Variants in SHANK2 observed in about 807,000 individuals in gnomAD.
SHANK2 encodes the protein SH3 and multiple ankyrin repeat domains protein 2.
SHANK2 carries 43 observed loss-of-function variants against 133.7 expected under a neutral mutation model. The observed-to-expected ratio is 0.32, with a 90% confidence interval of 0.25 to 0.41. The LOEUF (loss-of-function observed/expected upper bound fraction) is 0.41, where lower values mean the gene tolerates loss of function less well. Ranked by LOEUF, SHANK2 falls within the 10% of genes least tolerant of loss-of-function variation. The pLI, the probability that SHANK2 is intolerant of heterozygous loss-of-function variation, is 1.00. For missense variants in SHANK2, 1,994 were observed against 2,235.8 expected, an observed-to-expected ratio of 0.89 and a Z score of 2.18; for synonymous variants, 1,017 against 952.8, an observed-to-expected ratio of 1.07 and a Z score of -1.24.
intron 21 of SHANK2, among the ~76,000 whole-genome samples, chr11:70,499,629 C>T (rs527322221): frequency 1.2e-4 from 18 of 152,334 alleles, no homozygotes; most frequent in Non-Finnish European, 2.4e-4. Context: ...CACACACAAA[C>T]GTAATTGCAC....
intron 25 of SHANK2, among the ~76,000 whole-genome samples, chr11:70,478,841 G>A (rs557121964): frequency 4.6e-5 from 7 of 152,336 alleles, no homozygotes; most frequent in Admixed American, 1.3e-4. Context: ...TGACTTGACC[G>A]AGTTACAGAG....
chr11:70,806,172 A>G (rs1356927682), intron 13 of SHANK2, among the ~76,000 whole-genome samples: 2 of 152,196 alleles, frequency 1.3e-5, no homozygotes, highest in Admixed American at 6.5e-5. Flanking sequence ...TGCCACTCCA[A>G]TGGCAACCTG....
chr11:70,807,239 A>T lies in SHANK2; in HGVS notation c.1494-68T>A, dbSNP rs1329000677. The T allele has an allele frequency of 1.4e-5, 10 of 689,708 alleles. No homozygotes were observed. Among genetic ancestry groups the T allele is most frequent in the Non-Finnish European group, 2.6e-5 (10 of 378,806 alleles). The allele number at this position is 689,708 out of a possible 1,614,324, so 42.7% of individuals were successfully genotyped here. Reference sequence around the variant, plus strand: ...CAAGGTCACAAGCCACATGCCACAAACCACAGCCAAGCCATTCAACGCATG... The same window carrying T: ...CAAGGTCACAAGCCACATGCCACAATCCACAGCCAAGCCATTCAACGCATG... On this transcript the variant is annotated intron_variant, in intron 12 of 25. Coordinates refer to ENST00000601538, the MANE Select transcript of SHANK2 (RefSeq NM_012309.5). The surrounding 1 kb of genome is among the most constrained non-coding windows in gnomAD (Gnocchi z 4.8).
intron 17 of SHANK2, among the ~76,000 whole-genome samples, chr11:70,543,441 C>T (rs976076444): frequency 3.9e-5 from 6 of 152,154 alleles, no homozygotes; most frequent in Non-Finnish European, 7.3e-5. Flanking sequence ...AAGGTTGAGT[C>T]GATCACCAAT....
intron 13 of SHANK2, among the ~76,000 whole-genome samples, chr11:70,803,353 CCTATCCAT>C (rs1565327076): frequency 3.1e-5 from 4 of 128,912 alleles, no homozygotes; most frequent in Non-Finnish European, 6.5e-5. Context: ...CATCCATTTA[CCTATCCAT>C]CCATCCATCC....
chr11:70,676,247 C>T (rs1944903691), intron 15 of SHANK2, among the ~76,000 whole-genome samples: 1 of 152,236 alleles, frequency 6.6e-6, no homozygotes, highest in Non-Finnish European at 1.5e-5. Flanking sequence ...ACTGGAAAAG[C>T]CAGACACTTG....
chr11:70,495,815 C>T (rs1427455498), intron 21 of SHANK2: 6 of 194,796 alleles, frequency 3.1e-5, no homozygotes, highest in South Asian at 1.9e-4. Context: ...TTCCAGGTGG[C>T]GAGCTCTGGG....
At chr11:71,100,821 C>G (rs1951705090) in intron 6 of SHANK2, among the ~76,000 whole-genome samples, 1 of 148,778 alleles carries the variant, frequency 6.7e-6, no homozygotes, top group Non-Finnish European at 1.5e-5. Context: ...GAGCTGAGAT[C>G]ACACCACTGC....
At chr11:70,671,668 CA>C (rs1944811128) in intron 15 of SHANK2, among the ~76,000 whole-genome samples, 1 of 152,232 alleles carries the variant, frequency 6.6e-6, no homozygotes, top group Non-Finnish European at 1.5e-5. Flanking sequence ...GAGCAAGACA[CA>C]CGGGTGTGTT....
intron 17 of SHANK2, among the ~76,000 whole-genome samples, chr11:70,657,574 C>T (rs200789417): frequency 1.4e-4 from 21 of 152,284 alleles, no homozygotes; most frequent in Middle Eastern, 3.4e-3. Flanking sequence ...GCCTGCACCC[C>T]GCACCCTCAT....
At position 70,569,084 on chromosome 11, in the gene SHANK2, G is replaced by C. The variant is rs942966919; in HGVS notation, c.2062-66153C>G. ...TCCTGCCGCTGGACTTACAGTGAACGGAGCCAGGAAAGCGAATCTGCCTTG... is the reference window on the plus strand; with the variant it reads ...TCCTGCCGCTGGACTTACAGTGAACCGAGCCAGGAAAGCGAATCTGCCTTG... On this transcript the variant is annotated intron_variant, in intron 17 of 25. Transcript: ENST00000601538. This position sits in a 1 kb window ranked among gnomAD's most constrained non-coding sequence, Gnocchi z 5.1. 6.6e-6 allele frequency among the ~76,000 whole-genome samples: 1 copy of C among 152,208 alleles called. No homozygotes were observed. Among genetic ancestry groups the C allele is most frequent in the Non-Finnish European group, 1.5e-5 (1 of 68,040 alleles).
chr11:70,583,839 C>T (rs536164078), intron 17 of SHANK2, among the ~76,000 whole-genome samples: 9 of 152,304 alleles, frequency 5.9e-5, no homozygotes, highest in South Asian at 2.1e-4. Flanking sequence ...GCGGGCTGCC[C>T]GCTCCTCACA....
At chr11:70,763,530 G>A (rs1413804052) in intron 14 of SHANK2, among the ~76,000 whole-genome samples, 1 of 152,100 alleles carries the variant, frequency 6.6e-6, no homozygotes, top group Non-Finnish European at 1.5e-5. Context: ...GGACCAGGCT[G>A]GGCTCGCAGT....
chr11:70,784,030 G>A (rs1555045838), intron 14 of SHANK2, among the ~76,000 whole-genome samples: 1 of 152,198 alleles, frequency 6.6e-6, no homozygotes, highest in African/African-American at 2.4e-5. Flanking sequence ...CTGGAAGTGG[G>A]AACAAGTGGC....
intron 14 of SHANK2, among the ~76,000 whole-genome samples, chr11:70,778,428 G>A (rs1346547156): frequency 2.6e-5 from 4 of 152,232 alleles, no homozygotes; most frequent in Non-Finnish European, 5.9e-5. Flanking sequence ...CTAAATGTGT[G>A]TGTCCCCCTC....
At chr11:70,938,580 C>T (rs911152807) in intron 10 of SHANK2, among the ~76,000 whole-genome samples, 5 of 152,158 alleles carry the variant, frequency 3.3e-5, no homozygotes, top group Non-Finnish European at 5.9e-5. Flanking sequence ...GCCACCTGTA[C>T]GGGTCAATCC....
intron 17 of SHANK2, chr11:70,654,057 A>G (rs2061374116): frequency 6.6e-6 from 1 of 152,252 alleles, no homozygotes; most frequent in Non-Finnish European, 1.5e-5. Context: ...ATTTAATACG[A>G]GGAAAATGTA....
chr11:70,812,518 C>T (rs73532011), intron 12 of SHANK2, among the ~76,000 whole-genome samples: 2,328 of 152,324 alleles, frequency 0.015, 62 homozygotes, highest in African/African-American at 0.054. Flanking sequence ...CATCCTAGCT[C>T]GGGGTTCCCT....
chr11:70,885,914 T>C lies in SHANK2; in HGVS notation c.1174+10587A>G, dbSNP rs142555519. ...CCGCCAGTCAACTCCGCTTTACAAT[T>C]TGGAACAAAACTTCTAGACAGATAC... On this transcript the variant is annotated intron_variant, in intron 11 of 25. Transcript: ENST00000601538. Among the ~76,000 whole-genome samples the C allele has an allele frequency of 5.3e-5, 8 of 152,230 alleles. No individual in the cohort carries two copies. In the East Asian group the frequency reaches 1.4e-3, roughly 26 times the overall value.
Sources: allele counts gnomAD v4.1 joint callset (sites outside exome capture counted in the v4.1 genomes callset), GRCh38; gene constraint gnomAD v4.1.1; non-coding constraint Gnocchi (gnomAD v3.1); transcripts MANE v1.5; gene names NCBI Gene and HGNC (gene_info 2026-07-23, HGNC 2026-07-21).